RGS6: variants seen among roughly 807,000 people sequenced by gnomAD.
RGS6 encodes the protein regulator of G-protein signaling 6.
RGS6 carries 30 observed loss-of-function variants against 78.5 expected under a neutral mutation model. The ratio of observed to expected loss-of-function variants is 0.38; its 90% CI spans 0.29 to 0.52. The LOEUF (loss-of-function observed/expected upper bound fraction) is 0.52, where lower values mean the gene tolerates loss of function less well. Among genes scored for constraint, RGS6 ranks in the 20% least tolerant of loss-of-function variants. The pLI is 0.85. For missense variants in RGS6, 495 were observed against 609.7 expected (o/e 0.81, Z 1.98); for synonymous variants, 206 against 206.0 (o/e 1.00, Z 0.00).
chr14:72,163,882 C>CAAA (rs35453428), intron 2 of RGS6, among the ~76,000 whole-genome samples: 2 of 124,658 alleles, frequency 1.6e-5, no homozygotes, highest in Non-Finnish European at 3.4e-5. Flanking sequence ...GACTCCATCT[C>CAAA]AAAAAAAAAA....
intron 2 of RGS6, among the ~76,000 whole-genome samples, chr14:72,293,678 G>T (rs1183842552): frequency 1.3e-5 from 2 of 152,154 alleles, no homozygotes; most frequent in African/African-American, 2.4e-5. Context: ...AGCTCCAATA[G>T]TTGGTGCTAT....
intron 3 of RGS6, among the ~76,000 whole-genome samples, chr14:72,405,360 G>A (rs2092826570): frequency 6.6e-6 from 1 of 152,206 alleles, no homozygotes; most frequent in Non-Finnish European, 1.5e-5. Context: ...CAGCAGGGAA[G>A]CAAACTGGTC....
At chr14:72,024,659 C>A (rs1222928873) in intron 2 of RGS6, among the ~76,000 whole-genome samples, 1 of 152,076 alleles carries the variant, frequency 6.6e-6, no homozygotes, top group African/African-American at 2.4e-5. Context: ...CAGAAAAGTC[C>A]CACAAGATGG....
At chr14:72,611,914 A>G in the RGS6 span, among the ~76,000 whole-genome samples, 1 of 152,124 alleles carries the variant, frequency 6.6e-6, no homozygotes, top group South Asian at 2.1e-4. Flanking sequence ...ATGGCGCGAT[A>G]CTTGACCTAC....
chr14:72,600,730 C>A, the RGS6 span, among the ~76,000 whole-genome samples: 3 of 152,304 alleles, frequency 2.0e-5, no homozygotes, highest in South Asian at 2.1e-4. Context: ...ACCAGCTGCA[C>A]TTCCTCATTC....
intron 2 of RGS6, among the ~76,000 whole-genome samples, chr14:72,096,082 A>G (rs1369107814): frequency 1.3e-5 from 2 of 152,182 alleles, no homozygotes; most frequent in East Asian, 3.9e-4. Flanking sequence ...CAGCCTGGCC[A>G]ACATGGTGAA....
chr14:72,571,517 C>T (rs961955121), downstream of RGS6, among the ~76,000 whole-genome samples: 17 of 152,180 alleles, frequency 1.1e-4, no homozygotes, highest in African/African-American at 4.1e-4. Context: ...GAAATAAACC[C>T]ATGCGTTTAT....
intron 2 of RGS6, among the ~76,000 whole-genome samples, chr14:72,117,570 G>A (rs181360541): frequency 7.7e-4 from 117 of 152,244 alleles, no homozygotes; most frequent in African/African-American, 2.8e-3. Flanking sequence ...CCCGGTCTCA[G>A]GAATTCCTTT....
the RGS6 span, among the ~76,000 whole-genome samples, chr14:71,879,828 G>A: frequency 6.6e-6 from 1 of 152,212 alleles, no homozygotes; most frequent in Non-Finnish European, 1.5e-5. Flanking sequence ...TACTGGTAGA[G>A]TGGGGTGCTG....
At chr14:72,236,117 A>T (rs1355700914) in intron 2 of RGS6, among the ~76,000 whole-genome samples, 3 of 152,222 alleles carry the variant, frequency 2.0e-5, no homozygotes, top group Non-Finnish European at 4.4e-5. Context: ...TGGCAAAATG[A>T]AAGGGAAGGA....
chr14:72,160,330 A>G (rs1216448070), intron 2 of RGS6, among the ~76,000 whole-genome samples: 1 of 147,510 alleles, frequency 6.8e-6, no homozygotes, highest in East Asian at 1.9e-4. Flanking sequence ...TGAAATTGGA[A>G]GCCAATAAAT....
chr14:71,885,427 T>C, the RGS6 span, among the ~76,000 whole-genome samples: 1 of 152,260 alleles, frequency 6.6e-6, no homozygotes, highest in Non-Finnish European at 1.5e-5. Context: ...CAGCCCTCTC[T>C]GGATTTGAAA....
In RGS6 at chr14:72,146,000, T is replaced by A. The variant is rs146351240; in HGVS notation, c.84+181125T>A. Among the ~76,000 whole-genome samples the A allele has an allele frequency of 6.7e-3, 1,013 of 152,276 alleles. 32 individuals carry two copies. The highest frequency in any genetic ancestry group is 0.059 in the Admixed American group (908 of 15,296). On this transcript the variant is annotated intron_variant, in intron 2 of 17. Transcript: ENST00000553525. The stretch of plus-strand genomic sequence containing the variant: ...AGACTGAGTAATTTATTTTAAAAAC[T>A]CAGAAATTTATTTTTTACGGTTCCA...
At chr14:72,143,928 T>A (rs988060416) in intron 2 of RGS6, among the ~76,000 whole-genome samples, 9 of 152,128 alleles carry the variant, frequency 5.9e-5, no homozygotes, top group Non-Finnish European at 1.3e-4. Flanking sequence ...ATCAAATTAG[T>A]AAGAGATATG....
At chr14:72,163,156 C>G (rs1418004417) in intron 2 of RGS6, among the ~76,000 whole-genome samples, 1 of 152,066 alleles carries the variant, frequency 6.6e-6, no homozygotes, top group Admixed American at 6.6e-5. Context: ...AAAATACTTA[C>G]TCATGTAACC....
the RGS6 span, among the ~76,000 whole-genome samples, chr14:72,591,901 A>T: frequency 6.6e-6 from 1 of 151,662 alleles, no homozygotes; most frequent in Admixed American, 6.6e-5. Context: ...CCTTCTCTCT[A>T]CTCCCTCTTC....
chr14:71,982,172 C>T (rs941686864), intron 2 of RGS6, among the ~76,000 whole-genome samples: 2 of 152,198 alleles, frequency 1.3e-5, no homozygotes, highest in African/African-American at 4.8e-5. Context: ...ACCCACTGAC[C>T]TGCGCCCAGT....
At chr14:72,260,912 G>A (rs184428247) in intron 2 of RGS6, among the ~76,000 whole-genome samples, 27 of 152,310 alleles carry the variant, frequency 1.8e-4, no homozygotes, top group Non-Finnish European at 3.5e-4. Flanking sequence ...GTACATTTTC[G>A]TGGGGCCAAG....
chr14:71,988,083 G>C (rs2094798036), intron 2 of RGS6, among the ~76,000 whole-genome samples: 1 of 152,162 alleles, frequency 6.6e-6, no homozygotes, highest in South Asian at 2.1e-4. Context: ...GCACACAAGT[G>C]ATAGTGTTGG....
Sources: allele counts gnomAD v4.1 joint callset (sites outside exome capture counted in the v4.1 genomes callset), GRCh38; gene constraint gnomAD v4.1.1; transcripts MANE v1.5; gene names NCBI Gene and HGNC (gene_info 2026-07-23, HGNC 2026-07-21).